Variants in SAMMSON observed in about 807,000 individuals in gnomAD.
SAMMSON encodes the protein long intergenic non-protein coding RNA 1212.
At chr3:70,264,785 G>T (rs952812091) in intron 6 of SAMMSON, among the ~76,000 whole-genome samples, 4 of 152,168 alleles carry the variant, frequency 2.6e-5, no homozygotes, top group African/African-American at 9.7e-5. Context: ...GAAAATACAG[G>T]GAGCTATGGA....
At chr3:70,372,386 A>T (rs964219308) in intron 9 of SAMMSON, among the ~76,000 whole-genome samples, 5 of 152,060 alleles carry the variant, frequency 3.3e-5, no homozygotes, top group African/African-American at 1.2e-4. Context: ...ATCTTGGCTC[A>T]TTGCAACCTC....
chr3:70,299,128 T>G (rs781678710), intron 7 of SAMMSON, among the ~76,000 whole-genome samples: 3 of 152,112 alleles, frequency 2.0e-5, no homozygotes, highest in Non-Finnish European at 4.4e-5. Context: ...TGAAGCAGCC[T>G]GAATATCCAA....
chr3:70,114,270 T>C (rs529802264), intron 4 of SAMMSON, among the ~76,000 whole-genome samples: 124 of 152,310 alleles, frequency 8.1e-4, no homozygotes, highest in Non-Finnish European at 1.4e-3. Flanking sequence ...CTCTATGTTT[T>C]GTGGAGCATT....
chr3:70,407,587 A>C (rs2106766556), intron 2 of SAMMSON, among the ~76,000 whole-genome samples: 1 of 152,352 alleles, frequency 6.6e-6, no homozygotes, highest in African/African-American at 2.4e-5. Flanking sequence ...TCCATGTCTC[A>C]CATCCAGGTT....
chr3:70,364,487 CTT>C (rs1299010901), intron 9 of SAMMSON, among the ~76,000 whole-genome samples: 1 of 151,852 alleles, frequency 6.6e-6, no homozygotes, highest in Non-Finnish European at 1.5e-5. Context: ...TTTCTTCCCT[CTT>C]TAACAAGCGG....
chr3:70,119,184 A>C (rs2067423126), intron 4 of SAMMSON, among the ~76,000 whole-genome samples: 1 of 152,098 alleles, frequency 6.6e-6, no homozygotes, highest in South Asian at 2.1e-4. Context: ...CTCCTACCTC[A>C]GCCTCCTGAG....
rs191814135 is a variant in SAMMSON at position 70,413,420 on chromosome 3, A to T, written n.234-49140A>T. On this transcript the variant is annotated intron_variant and non_coding_transcript_variant, in intron 2 of 3. Coordinates refer to the SAMMSON transcript ENST00000641053. ...AGTGGATTCATGCAAAGTCACCCTG[A>T]AAAGGACCAGGAGAAGGAAATCAGC... is the stretch of plus-strand genomic sequence containing the variant. 5.3e-5 allele frequency among the ~76,000 whole-genome samples: 8 copies of T among 152,300 alleles called. No homozygotes were observed. In the East Asian group the frequency reaches 1.5e-3, roughly 29 times the overall value.
At chr3:70,124,219 A>G (rs1028185484) in intron 4 of SAMMSON, among the ~76,000 whole-genome samples, 2 of 152,178 alleles carry the variant, frequency 1.3e-5, no homozygotes, top group Non-Finnish European at 2.9e-5. Context: ...CACAGAACTT[A>G]TTAGATGAAT....
chr3:70,156,521 C>G (rs2067592924), intron 4 of SAMMSON, among the ~76,000 whole-genome samples: 1 of 151,744 alleles, frequency 6.6e-6, no homozygotes, highest in South Asian at 2.1e-4. Context: ...GAGACAAGAC[C>G]AAAGAATAAA....
chr3:70,132,200 C>A (rs1354345685), intron 4 of SAMMSON, among the ~76,000 whole-genome samples: 1 of 152,050 alleles, frequency 6.6e-6, no homozygotes, highest in African/African-American at 2.4e-5. Flanking sequence ...TGATGCTGCC[C>A]CTCCTTTTTG....
chr3:70,218,211 GT>G (rs1469377666), intron 4 of SAMMSON, among the ~76,000 whole-genome samples: 9 of 152,248 alleles, frequency 5.9e-5, no homozygotes, highest in Non-Finnish European at 1.0e-4. Context: ...ATGCAATGGG[GT>G]TAAAACACTT....
intron 1 of SAMMSON, among the ~76,000 whole-genome samples, chr3:70,005,057 G>C (rs1031044473): frequency 1.3e-5 from 2 of 152,132 alleles, no homozygotes; most frequent in African/African-American, 2.4e-5. Context: ...ATCTGAGTGC[G>C]TTCTCTCTCT....
At chr3:70,038,699 A>G (rs555134607) in intron 3 of SAMMSON, among the ~76,000 whole-genome samples, 1 of 152,192 alleles carries the variant, frequency 6.6e-6, no homozygotes, top group Non-Finnish European at 1.5e-5. Context: ...GAAGTAAATG[A>G]AATTTCCTTA....
chr3:70,394,531 A>G (rs1410302737), downstream of SAMMSON, among the ~76,000 whole-genome samples: 1 of 152,102 alleles, frequency 6.6e-6, no homozygotes, highest in African/African-American at 2.4e-5. Flanking sequence ...AAGAGAGGGA[A>G]TAATGGAGAG....
Position 70,425,379 on chromosome 3 carries a change from T to A in SAMMSON, n.234-37181T>A, listed in dbSNP as rs145989868. Among the ~76,000 whole-genome samples, 1,343 of 152,074 alleles carry A rather than the reference T, an allele frequency of 8.8e-3. 26 individuals are homozygous for A. The highest frequency in any genetic ancestry group is 0.028 in the African/African-American group (1,145 of 41,488). On this transcript the variant is annotated intron_variant and non_coding_transcript_variant, in intron 2 of 3. Transcript: ENST00000641053. ...TCTTAACCAGCAGACTGACAACCTA[T>A]TTCAAGTTGTCTATTTTTTTATTAT... is the stretch of plus-strand genomic sequence containing the variant.
Position 70,218,197 on chromosome 3 carries a change from A to G in SAMMSON, n.508-30910A>G, listed in dbSNP as rs142387501. On this transcript the variant is annotated intron_variant and non_coding_transcript_variant, in intron 4 of 9. Transcript: ENST00000642114. ...ATATGTATACCTGGAGGAGGTGCAA[A>G]CCTATGCAATGGGGTTAAAACACTT... 9.5e-3 allele frequency among the ~76,000 whole-genome samples: 1,444 copies of G among 152,266 alleles called. 21 individuals carry two copies. Among genetic ancestry groups the G allele is most frequent in the African/African-American group, 0.033 (1,363 of 41,560 alleles).
rs529631946 is a variant in SAMMSON, at chr3:70,195,003, G to C, written n.508-54104G>C. On this transcript the variant is annotated intron_variant and non_coding_transcript_variant, in intron 4 of 9. Transcript: ENST00000642114. Reference sequence around the variant, plus strand: ...GTAGTGTTTTAGTATTTTAACAATTGTAACACCTGCACCACTGAGTACCAG... The same window carrying C: ...GTAGTGTTTTAGTATTTTAACAATTCTAACACCTGCACCACTGAGTACCAG... Among the ~76,000 whole-genome samples the C allele has an allele frequency of 2.6e-5, 4 of 152,218 alleles. No homozygotes were observed. In the South Asian group the frequency reaches 8.3e-4, roughly 32 times the overall value.
Position 70,158,069 on chromosome 3 carries a change from A to C in SAMMSON, n.507+86504A>C, listed in dbSNP as rs150234076. 3.7e-3 allele frequency among the ~76,000 whole-genome samples: 556 copies of C among 152,218 alleles called. 1 individual carries two copies. Among genetic ancestry groups the C allele is most frequent in the African/African-American group, 0.012 (499 of 41,570 alleles). On this transcript the variant is annotated intron_variant and non_coding_transcript_variant, in intron 4 of 9. Transcript: ENST00000642114. ...ATTCAGCATATTTAGCATATCAGAT[A>C]ATTTACCCTTTTGACGTGTACAGTT...
chr3:70,209,306 A>C (rs917349326), intron 4 of SAMMSON, among the ~76,000 whole-genome samples: 5 of 152,028 alleles, frequency 3.3e-5, no homozygotes, highest in Admixed American at 6.6e-5. Context: ...GACAATGAAA[A>C]ATGTTTGTAG....
Sources: gnomAD v4.1 joint callset for allele counts (sites outside exome capture counted in the v4.1 genomes callset) on GRCh38, gnomAD v4.1.1 for gene constraint, MANE v1.5 for transcripts, NCBI Gene and HGNC (gene_info 2026-07-23, HGNC 2026-07-21) for gene names.